The following RASAL2 variants were observed in gnomAD, a reference collection of about 807,000 sequenced individuals.
The protein encoded by RASAL2 is RAS protein activator like 2.
Under a neutral mutation model 128.9 loss-of-function variants are expected in RASAL2, and 58 were observed. That is an observed-to-expected ratio of 0.45 (90% CI 0.36 to 0.56). The LOEUF is 0.56. RASAL2 is among the 20% of genes least tolerant of loss of function. The probability of loss-of-function intolerance (pLI) is 0.00; values close to 1 mark genes in which losing one functional copy is unlikely to be tolerated. For missense variants in RASAL2, 1,360 were observed against 1,601.6 expected (o/e 0.85, Z 2.57); for synonymous variants, 561 against 580.8 (o/e 0.97, Z 0.49).
chr1:178,104,457 G>A (rs542323875), intron 1 of RASAL2, among the ~76,000 whole-genome samples: 5 of 152,166 alleles, frequency 3.3e-5, no homozygotes, highest in African/African-American at 1.2e-4. Flanking sequence ...TTTTCAAAAA[G>A]TTTAACACTT....
intron 1 of RASAL2, among the ~76,000 whole-genome samples, chr1:178,234,725 A>G (rs1664157285): frequency 6.6e-6 from 1 of 152,142 alleles, no homozygotes; most frequent in South Asian, 2.1e-4. Flanking sequence ...TCATTTTTTG[A>G]GAAGCTCTTA....
chr1:178,331,340 A>T (rs1669298894), intron 3 of RASAL2, among the ~76,000 whole-genome samples: 3 of 152,136 alleles, frequency 2.0e-5, no homozygotes, highest in Admixed American at 2.0e-4. Flanking sequence ...CGTGACTAAG[A>T]GGCAGCGTTC....
chr1:178,107,457 T>A (rs1381501916), intron 1 of RASAL2, among the ~76,000 whole-genome samples: 2 of 151,388 alleles, frequency 1.3e-5, no homozygotes, highest in Non-Finnish European at 2.9e-5. Context: ...ATTTTGTGTT[T>A]TTTTTATTAT....
chr1:178,159,921 A>C (rs1661217495), intron 1 of RASAL2, among the ~76,000 whole-genome samples: 1 of 151,724 alleles, frequency 6.6e-6, no homozygotes, highest in Non-Finnish European at 1.5e-5. Context: ...ACAAACAAAC[A>C]AACAAAAAAA....
At chr1:178,360,867 A>G (rs1253920335) in intron 3 of RASAL2, among the ~76,000 whole-genome samples, 1 of 152,160 alleles carries the variant, frequency 6.6e-6, no homozygotes, top group Non-Finnish European at 1.5e-5. Context: ...AAAATAATAG[A>G]GTTTTATCCC....
intron 1 of RASAL2, among the ~76,000 whole-genome samples, chr1:178,251,647 A>G (rs541153378): frequency 2.6e-5 from 4 of 152,326 alleles, no homozygotes; most frequent in East Asian, 1.9e-4. Flanking sequence ...TTGAAAGATC[A>G]TGTAGCCTGT....
rs577821512 is a variant in RASAL2 at position 178,105,772 on chromosome 1, TC to T, written c.202+11081del. Among the ~76,000 whole-genome samples, 24 of 151,746 alleles carry T rather than the reference TC, an allele frequency of 1.6e-4. No homozygotes were observed. The East Asian group carries it at 4.5e-3, about 28-fold the overall frequency. On this transcript the variant is annotated intron_variant, in intron 1 of 17. Coordinates refer to ENST00000367649, the MANE Select transcript of RASAL2 (RefSeq NM_170692.4). ...ATCTTGGCTCACTGTAGCCTGGACC[TC>T]CCAGGCTCAAGGGATCCTCCCACCA...
chr1:178,159,861 C>T (rs996170294), intron 1 of RASAL2, among the ~76,000 whole-genome samples: 29 of 151,900 alleles, frequency 1.9e-4, no homozygotes, highest in African/African-American at 6.5e-4. Context: ...GTCGAGATCG[C>T]GACACTTCAC....
chr1:178,429,602 C>T (rs1047308737), intron 5 of RASAL2, among the ~76,000 whole-genome samples: 1 of 152,048 alleles, frequency 6.6e-6, no homozygotes, highest in Non-Finnish European at 1.5e-5. Flanking sequence ...ATTGAAACTG[C>T]AATTTTCATA....
intron 1 of RASAL2, among the ~76,000 whole-genome samples, chr1:178,232,771 T>C (rs1261422892): frequency 6.6e-6 from 1 of 152,116 alleles, no homozygotes; most frequent in Non-Finnish European, 1.5e-5. Flanking sequence ...TTCTGAAGAG[T>C]TGTCACTCCA....
chr1:178,371,873 A>G (rs886197772), intron 3 of RASAL2, among the ~76,000 whole-genome samples: 2 of 151,684 alleles, frequency 1.3e-5, no homozygotes, highest in Non-Finnish European at 2.9e-5. Flanking sequence ...TTTTTCTTTG[A>G]GTGTCTTTAT....
chr1:178,466,533 G>T (rs1245645822), intron 16 of RASAL2, among the ~76,000 whole-genome samples: 1 of 152,184 alleles, frequency 6.6e-6, no homozygotes, highest in East Asian at 1.9e-4. Flanking sequence ...GGAGAAAAAG[G>T]GAGGGTCAGT....
Position 178,214,452 on chromosome 1 carries a change from G to C in RASAL2, c.203-69112G>C, listed in dbSNP as rs541087550. Among the ~76,000 whole-genome samples the C allele has an allele frequency of 7.2e-5, 11 of 152,096 alleles. No homozygotes were observed. In the East Asian group the frequency reaches 2.1e-3, roughly 29 times the overall value. On this transcript the variant is annotated intron_variant, in intron 1 of 17. Transcript: ENST00000367649. ...GTCATAGAAAATACCTGAATGCTAA[G>C]CCAAAGATAAAAACAAATACCTTTT...
At chr1:178,253,955 G>C (rs1253123745) in intron 1 of RASAL2, among the ~76,000 whole-genome samples, 1 of 152,122 alleles carries the variant, frequency 6.6e-6, no homozygotes, top group East Asian at 1.9e-4. Context: ...AGACAAATCC[G>C]ATCCTGTAAG....
chr1:178,279,599 C>T (rs940179421), intron 1 of RASAL2, among the ~76,000 whole-genome samples: 5 of 152,022 alleles, frequency 3.3e-5, no homozygotes, highest in Non-Finnish European at 5.9e-5. Context: ...CCAGGACCCC[C>T]CCGATCTGAT....
At chr1:178,198,837 C>G (rs2101962521) in intron 1 of RASAL2, among the ~76,000 whole-genome samples, 1 of 152,344 alleles carries the variant, frequency 6.6e-6, no homozygotes, top group South Asian at 2.1e-4. Context: ...GGGAGAACTA[C>G]TGCTCTCTTC....
Position 178,299,982 on chromosome 1 carries a change from G to T in RASAL2, c.331-10G>T. Reference sequence around the variant, plus strand: ...CTATTAAGTTTTATCTTTTGCTTTTGATTAACTAGATACCTGTGGAAGGGG... The same window carrying T: ...CTATTAAGTTTTATCTTTTGCTTTTTATTAACTAGATACCTGTGGAAGGGG... On this transcript the variant is annotated splice_polypyrimidine_tract_variant and intron_variant, in intron 2 of 17. Coordinates refer to ENST00000367649, the MANE Select transcript of RASAL2 (RefSeq NM_170692.4). The T allele has an allele frequency of 6.2e-7, 1 of 1,610,370 alleles. No individual in the cohort carries two copies. The highest frequency in any genetic ancestry group is 1.1e-5 in the South Asian group (1 of 90,434).
At chr1:178,441,712 A>G in intron 7 of RASAL2, 65 bp downstream of exon 7, 1 of 1,260,566 alleles carries the variant, frequency 7.9e-7, no homozygotes, top group Non-Finnish European at 1.1e-6. Flanking sequence ...ATAGAAGGTA[A>G]GTGTGGTAGT....
chr1:178,281,124 T>C (rs1383828413), intron 1 of RASAL2, among the ~76,000 whole-genome samples: 1 of 151,764 alleles, frequency 6.6e-6, no homozygotes, highest in South Asian at 2.1e-4. Context: ...TTTTTTCTTG[T>C]TTTTTTTCCC....
Sources: allele counts gnomAD v4.1 joint callset (sites outside exome capture counted in the v4.1 genomes callset), GRCh38; gene constraint gnomAD v4.1.1; transcripts MANE v1.5; gene names NCBI Gene and HGNC (gene_info 2026-07-23, HGNC 2026-07-21).